Variants in ASB6 observed in about 807,000 individuals in gnomAD.
ASB6 encodes the protein ankyrin repeat and SOCS box protein 6.
ASB6 carries 24 observed loss-of-function variants against 28.6 expected under a neutral mutation model. The ratio of observed to expected loss-of-function variants is 0.84; its 90% CI spans 0.61 to 1.18. The LOEUF is 1.18. Among genes scored for constraint, ASB6 ranks in the 50% most tolerant of loss-of-function variants. ASB6 has a pLI of 0.00. For synonymous variants in ASB6, 267 were observed against 243.4 expected, an observed-to-expected ratio of 1.10 and a Z score of -0.90; for missense variants, 519 against 559.8, an observed-to-expected ratio of 0.93 and a Z score of 0.74.
At chr9:129,640,820 C>T (rs921730132) in intron 1 of ASB6, 98 bp from the exon 2 acceptor site, 41 of 1,423,682 alleles carry the variant, frequency 2.9e-5, no homozygotes, top group Admixed American at 4.4e-5. Flanking sequence ...TCATCATCAG[C>T]AAGCAGGGCC....
Position 129,638,107 on chromosome 9 carries a change from C to A in ASB6, c.949G>T (p.Glu317Ter). Residue 317 changes from glutamate to a stop codon, truncating the protein, a stop_gained, in exon 6 of 6, where the codon GAG becomes TAG. Transcript: ENST00000277458. LOFTEE classifies it high-confidence loss of function. ...TTGCGCAGGAGGTCCGCATGGCTCT[C>A]GTCTTCCGTGCAGCCTGGGTGGGAA... ...LCSHPGCTED[E>*]SHADLLRKAE... 1 of 1,614,200 alleles carries A rather than the reference C, an allele frequency of 6.2e-7. No homozygotes were observed. The highest frequency in any genetic ancestry group is 1.3e-5 in the African/African-American group (1 of 75,044).
intron 4 of ASB6, 150 bp downstream of exon 4, chr9:129,639,052 G>T: frequency 2.5e-6 from 2 of 787,904 alleles, no homozygotes; most frequent in Non-Finnish European, 4.1e-6. Context: ...CAGCAAGTCA[G>T]CAGAATCCCT....
At chr9:129,641,543 G>A (rs1831699209) in intron 1 of ASB6, among the ~76,000 whole-genome samples, 1 of 152,216 alleles carries the variant, frequency 6.6e-6, no homozygotes, top group Non-Finnish European at 1.5e-5. Flanking sequence ...CCTTCACACT[G>A]CTCTGGGGTA....
chr9:129,642,063 G>T lies in ASB6; in HGVS notation c.-64C>A. ...GCCGAGGCCGAGATGCCCAGACGCC[G>T]ACCGGAACGCTCCGGCGGCCGCGGA... On this transcript the variant is annotated 5_prime_UTR_variant, in exon 1 of 6. Coordinates refer to ENST00000277458, the MANE Select transcript of ASB6 (RefSeq NM_017873.4). This position sits in a 1 kb window ranked among gnomAD's most constrained non-coding sequence, Gnocchi z 4.3. 2.7e-6 allele frequency: 4 copies of T among 1,493,818 alleles called. No homozygotes were observed. The highest frequency in any genetic ancestry group is 3.6e-6 in the Non-Finnish European group (4 of 1,119,738). The allele number at this position is 1,493,818 out of a possible 1,614,324, so 92.5% of individuals were successfully genotyped here. A position where few individuals can be genotyped will look rare whatever the true frequency, so the allele number is the denominator to read the frequency against.
chr9:129,639,575 G>T, intron 2 of ASB6, 67 bp from the exon 3 acceptor site: 1 of 1,394,216 alleles, frequency 7.2e-7, no homozygotes, highest in Non-Finnish European at 9.9e-7. Flanking sequence ...CCCGGACCCA[G>T]AGCCCAGCCC....
intron 5 of ASB6, 56 bp downstream of exon 5, chr9:129,638,517 A>G (rs1831613399): frequency 1.9e-6 from 3 of 1,610,804 alleles, no homozygotes; most frequent in Non-Finnish European, 2.5e-6. Flanking sequence ...GCAAAGCAAC[A>G]GCACACATCG....
At chr9:129,641,463 C>T (rs10116607) in intron 1 of ASB6, among the ~76,000 whole-genome samples, 2,209 of 152,320 alleles carry the variant, frequency 0.015, 64 homozygotes, top group African/African-American at 0.049. Flanking sequence ...TCGCTCCCGA[C>T]CCCTTTCCTG....
At position 129,642,043 on chromosome 9, in the gene ASB6, G is replaced by GGCCGAGAT. The variant is rs1177589192; in HGVS notation, c.-52_-45dup. The GGCCGAGAT allele has an allele frequency of 7.8e-6, 12 of 1,546,330 alleles. No individual in the cohort carries two copies. The highest frequency in any genetic ancestry group is 8.7e-7 in the Non-Finnish European group (1 of 1,145,150). On this transcript the variant is annotated 5_prime_UTR_variant, in exon 1 of 6. Transcript: ENST00000277458. The surrounding 1 kb of genome is among the most constrained non-coding windows in gnomAD (Gnocchi z 4.3). ...GCAGGGCCGTCGCGCTTTCTGCCGA[G>GGCCGAGAT]GCCGAGATGCCCAGACGCCGACCGG...
chr9:129,641,741 C>A (rs2119019037), intron 1 of ASB6, 146 bp downstream of exon 1: 1 of 874,844 alleles, frequency 1.1e-6, no homozygotes, highest in Non-Finnish European at 1.6e-6. Context: ...CGGGGCAGCG[C>A]GCACTCCGAG....
chr9:129,637,655 C>T lies in ASB6; in HGVS notation c.*135G>A. On this transcript the variant is annotated 3_prime_UTR_variant, in exon 6 of 6. Transcript: ENST00000277458. ...GGAGTGATCACAGCTTCAGGCTCTA[C>T]CTGGCTGGCTTTTCTCATGAAGGAT... 6 of 911,944 alleles carry T rather than the reference C, an allele frequency of 6.6e-6. No homozygotes were observed. Among genetic ancestry groups the T allele is most frequent in the Non-Finnish European group, 9.3e-6 (6 of 646,174 alleles). 56.5% of individuals were successfully genotyped at this position (911,944 alleles called of 1,614,324 possible).
At chr9:129,640,847 CA>C in intron 1 of ASB6, 125 bp from the exon 2 acceptor site, 3 of 1,172,702 alleles carry the variant, frequency 2.6e-6, no homozygotes, top group Non-Finnish European at 3.6e-6. Flanking sequence ...CTGTGGGTCA[CA>C]GGGGCTTGGG....
Position 129,637,842 on chromosome 9 carries a change from A to G in ASB6, c.1214T>C (p.Leu405Pro). The G allele has an allele frequency of 6.6e-7, 1 of 1,525,914 alleles. No homozygotes were observed. Among genetic ancestry groups the G allele is most frequent in the Non-Finnish European group, 8.8e-7 (1 of 1,137,492 alleles). 94.5% of individuals were successfully genotyped at this position (1,525,914 alleles called of 1,614,324 possible). The change falls in exon 6 of 6, where the codon CTG (leucine) becomes CCG (proline). Residue 405 changes from leucine to proline, a missense_variant. Transcript: ENST00000277458. The stretch of plus-strand genomic sequence containing the variant: ...GTGCTCGCTAAGGAGGTACCACTTC[A>G]GCCTGTCGGGCAGAGGCAGGGCTTT... ...KVKALPLPDR[L>P]KWYLLSEHSG...
rs148420909 is a variant in ASB6 at position 129,640,555 on chromosome 9, T to A, written c.281A>T (p.Asn94Ile). 1.0e-3 allele frequency: 1,638 copies of A among 1,609,858 alleles called. No individual in the cohort carries two copies. The highest frequency in any genetic ancestry group is 1.3e-3 in the Non-Finnish European group (1,524 of 1,178,840). ...CTCTCGCTGACCTTCAAAGTTGAGA[T>A]TGGCCCCATGCCGCAAGAGAACGTC... ...AADVLLRHGA[N>I]LNFEDPVTYY... is the part of the protein sequence containing the mutation. The change falls in exon 2 of 6, where the codon AAT (asparagine) becomes ATT (isoleucine). Residue 94 changes from asparagine to isoleucine, a missense_variant. Physicochemically the swap from Asn to Ile is moderately radical, Grantham distance 149 (BLOSUM62 -3). Transcript: ENST00000277458.
In ASB6 at chr9:129,634,914, C is replaced by G; in HGVS notation, c.*2876G>C. 1 of 409,646 alleles carries G rather than the reference C, an allele frequency of 2.4e-6. No homozygotes were observed. The highest frequency in any genetic ancestry group is 4.5e-6 in the Non-Finnish European group (1 of 223,704). 25.4% of individuals were successfully genotyped at this position (409,646 alleles called of 1,614,324 possible). On this transcript the variant is annotated 3_prime_UTR_variant, in exon 6 of 6. Coordinates refer to ENST00000277458, the MANE Select transcript of ASB6 (RefSeq NM_017873.4). ...CCCAGGTTCACTCCTCCGATCCAAG[C>G]CTGGCAGGGGTGGGGCATCATGGTG... is the stretch of plus-strand genomic sequence containing the variant.
At position 129,635,573 on chromosome 9, in the gene ASB6, T is replaced by C. The variant is rs1831504702; in HGVS notation, c.*2217A>G. ...CGGTTCGTGAGTGTCGAGGCACCACTAAATATAGCTGTCTGCCGTCCACTC... is the reference window on the plus strand; with the variant it reads ...CGGTTCGTGAGTGTCGAGGCACCACCAAATATAGCTGTCTGCCGTCCACTC... On this transcript the variant is annotated 3_prime_UTR_variant, in exon 6 of 6. Coordinates refer to ENST00000277458, the MANE Select transcript of ASB6 (RefSeq NM_017873.4). 2 of 1,285,376 alleles carry C rather than the reference T, an allele frequency of 1.6e-6. No homozygotes were observed. Among genetic ancestry groups the C allele is most frequent in the Non-Finnish European group, 2.1e-6 (2 of 930,308 alleles). The allele number at this position is 1,285,376 out of a possible 1,614,324, so 79.6% of individuals were successfully genotyped here.
At chr9:129,640,191 G>A (rs1202710662) in intron 2 of ASB6, among the ~76,000 whole-genome samples, 3 of 152,180 alleles carry the variant, frequency 2.0e-5, no homozygotes, top group Admixed American at 6.5e-5. Context: ...TTGGCTCAGA[G>A]TAAGTAGCAG....
rs772786454 is a variant in ASB6, at chr9:129,640,577, C to T, written c.259G>A (p.Val87Ile). Residue 87 changes from valine to isoleucine, a missense_variant, in exon 2 of 6, where the codon GTT (valine) becomes ATT (isoleucine). Transcript: ENST00000277458. Reference protein sequence around the residue: ...AELGLTRAADVLLRHGANLNF... With the variant: ...AELGLTRAADILLRHGANLNF... ...AGATTGGCCCCATGCCGCAAGAGAACGTCGGCCGCCCGCGTCAGCCCCAGC... is the reference window on the plus strand; with the variant it reads ...AGATTGGCCCCATGCCGCAAGAGAATGTCGGCCGCCCGCGTCAGCCCCAGC... The T allele has an allele frequency of 3.1e-6, 5 of 1,612,144 alleles. No homozygotes were observed. Among genetic ancestry groups the T allele is most frequent in the Admixed American group, 3.4e-5 (2 of 59,656 alleles).
At chr9:129,639,122 G>T in intron 4 of ASB6, 80 bp downstream of exon 4, 1 of 1,394,706 alleles carries the variant, frequency 7.2e-7, no homozygotes, top group Non-Finnish European at 9.8e-7. Flanking sequence ...CCACCTAGCT[G>T]TTGTCCTGGG....
rs1418758304 is a variant in ASB6, at chr9:129,642,087, G to A, written c.-88C>T. ...CGACCGGAACGCTCCGGCGGCCGCG[G>A]ACCCCACCTGCTCCGCCAGTCCAGC... On this transcript the variant is annotated 5_prime_UTR_variant, in exon 1 of 6. Transcript: ENST00000277458. This position sits in a 1 kb window ranked among gnomAD's most constrained non-coding sequence, Gnocchi z 4.3. 2.8e-6 allele frequency: 4 copies of A among 1,427,460 alleles called. No individual in the cohort carries two copies. The highest frequency in any genetic ancestry group is 2.9e-5 in the South Asian group (2 of 69,964). 88.4% of individuals were successfully genotyped at this position (1,427,460 alleles called of 1,614,324 possible).
Sources: gnomAD v4.1 joint callset for allele counts (sites outside exome capture counted in the v4.1 genomes callset) on GRCh38, gnomAD v4.1.1 for gene constraint, Gnocchi (gnomAD v3.1) non-coding constraint, MANE v1.5 for transcripts, NCBI Gene and HGNC (gene_info 2026-07-23, HGNC 2026-07-21) for gene names.